Variants in HDAC9 observed in about 807,000 individuals in gnomAD.
The protein encoded by HDAC9 is histone deacetylase 9.
Under a neutral mutation model 139.4 loss-of-function variants are expected in HDAC9, and 41 were observed. The observed-to-expected ratio is 0.29, with a 90% CI of 0.23 to 0.38. The LOEUF is 0.38. Ranked by LOEUF, HDAC9 falls within the 10% of genes least tolerant of loss-of-function variation. The pLI is 1.00. For missense variants in HDAC9, 1,147 were observed against 1,297.0 expected, an observed-to-expected ratio of 0.88 and a Z score of 1.78; for synonymous variants, 517 against 476.2, an observed-to-expected ratio of 1.09 and a Z score of -1.12.
chr7:18,959,080 A>T lies in HDAC9; in HGVS notation c.3022+4850A>T, dbSNP rs546078503. Among the ~76,000 whole-genome samples, 177 of 152,248 alleles carry T rather than the reference A, an allele frequency of 1.2e-3. 2 individuals are homozygous for T. Among genetic ancestry groups the T allele is most frequent in the Non-Finnish European group, 2.1e-4 (14 of 68,018 alleles). On this transcript the variant is annotated intron_variant, in intron 24 of 25. Transcript: ENST00000686413. ...GAAACCCACCCTAGTGATTTACAGC[A>T]TCCATGCACCGTTGAATTCGTTCAC...
chr7:18,200,669 A>G (rs1387170055), intron 2 of HDAC9, among the ~76,000 whole-genome samples: 3 of 152,218 alleles, frequency 2.0e-5, no homozygotes, highest in Non-Finnish European at 4.4e-5. Flanking sequence ...AACATTATGA[A>G]TGATATTTCT....
chr7:18,782,499 T>A (rs189972901), intron 16 of HDAC9, among the ~76,000 whole-genome samples: 1 of 152,078 alleles, frequency 6.6e-6, no homozygotes, highest in Admixed American at 6.6e-5. Context: ...ATTCCAATGA[T>A]TGAGCTATGC....
In HDAC9 at chr7:18,496,126, G is replaced by A. The variant is rs546252264; in HGVS notation, c.-42+103G>A. 1.6e-5 allele frequency: 23 copies of A among 1,394,184 alleles called. No individual in the cohort carries two copies. The East Asian group carries it at 5.7e-4, about 35-fold the overall frequency. 86.4% of individuals were successfully genotyped at this position (1,394,184 alleles called of 1,614,324 possible). On this transcript the variant is annotated intron_variant, in intron 1 of 25. Transcript: ENST00000686413. ...GTTGATCCTCTGCTGCTTCTCCTCA[G>A]GGAGGAGGGAGAACCAGCGAGGGTA...
At chr7:18,315,237 C>T (rs765944612) in intron 1 of HDAC9, among the ~76,000 whole-genome samples, 17 of 152,058 alleles carry the variant, frequency 1.1e-4, no homozygotes, top group Non-Finnish European at 2.1e-4. Flanking sequence ...ATTTATTGAG[C>T]ACTTAGTAGG....
intron 1 of HDAC9, among the ~76,000 whole-genome samples, chr7:18,116,087 T>C (rs761277668): frequency 6.6e-6 from 1 of 152,252 alleles, no homozygotes; most frequent in East Asian, 1.9e-4. Flanking sequence ...GGTTTCATGC[T>C]GAGATAATTT....
chr7:18,847,366 T>A (rs924528130), intron 21 of HDAC9, among the ~76,000 whole-genome samples: 2 of 152,196 alleles, frequency 1.3e-5, no homozygotes, highest in Non-Finnish European at 2.9e-5. Flanking sequence ...TTTCTTTTTT[T>A]TAGAGAGAAC....
rs376824897 is a variant in HDAC9, at chr7:18,762,225, G to A, written c.2112G>A (p.Leu704=). 160 of 1,613,528 alleles carry A rather than the reference G, an allele frequency of 9.9e-5. No homozygotes were observed. Among genetic ancestry groups the A allele is most frequent in the East Asian group, 1.6e-4 (7 of 44,874 alleles). ...TTCATTCTGAACATCACTCACTGTT[G>A]TATGGCACCAACCCCCTGGACGGAC... The part of the protein sequence containing the change: ...QLVHSEHHSL[L]YGTNPLDGQK... Residue 704 remains leucine, a synonymous_variant, in exon 15 of 26, where the codon TTG becomes TTA. Coordinates refer to ENST00000686413, the MANE Select transcript of HDAC9 (RefSeq NM_178425.4).
At chr7:18,937,623 G>A (rs1241629767) in intron 23 of HDAC9, among the ~76,000 whole-genome samples, 1 of 152,104 alleles carries the variant, frequency 6.6e-6, no homozygotes, top group Non-Finnish European at 1.5e-5. Context: ...ATAGTCACCT[G>A]TATTCTGAAA....
chr7:18,165,292 G>C (rs1385538578), intron 2 of HDAC9, among the ~76,000 whole-genome samples: 2 of 152,152 alleles, frequency 1.3e-5, no homozygotes, highest in African/African-American at 4.8e-5. Flanking sequence ...AAGGATACTG[G>C]ATTGTAGAAT....
At chr7:18,242,479 C>T (rs965967393) in intron 2 of HDAC9, among the ~76,000 whole-genome samples, 9 of 152,136 alleles carry the variant, frequency 5.9e-5, no homozygotes, top group African/African-American at 2.2e-4. Context: ...GATAATGTAA[C>T]ATCATCCATC....
chr7:18,148,995 G>C (rs1202631319), intron 1 of HDAC9, among the ~76,000 whole-genome samples: 1 of 152,148 alleles, frequency 6.6e-6, no homozygotes, highest in Non-Finnish European at 1.5e-5. Context: ...TTGTCCACTT[G>C]ACAGGATAGT....
chr7:18,283,446 G>C (rs192582610), intron 2 of HDAC9, among the ~76,000 whole-genome samples: 4 of 152,276 alleles, frequency 2.6e-5, no homozygotes, highest in Admixed American at 2.0e-4. Context: ...ATATCAAAGA[G>C]ACTGAGTAAA....
intron 12 of HDAC9, among the ~76,000 whole-genome samples, chr7:18,718,677 G>A (rs935814569): frequency 1.3e-5 from 2 of 152,042 alleles, no homozygotes; most frequent in Admixed American, 1.3e-4. Flanking sequence ...TTATCAATTG[G>A]TGGACATTTG....
chr7:18,183,902 A>G (rs908082616), intron 2 of HDAC9, among the ~76,000 whole-genome samples: 1 of 152,178 alleles, frequency 6.6e-6, no homozygotes, highest in Non-Finnish European at 1.5e-5. Flanking sequence ...AACTTTTTTC[A>G]TTCTACCATT....
intron 2 of HDAC9, among the ~76,000 whole-genome samples, chr7:18,520,697 T>G (rs186643322): frequency 6.6e-6 from 1 of 152,288 alleles, no homozygotes; most frequent in African/African-American, 2.4e-5. Context: ...ACAGTCCTAC[T>G]ACCGTAAATG....
chr7:18,303,761 A>G (rs1032317974), intron 1 of HDAC9, among the ~76,000 whole-genome samples: 1 of 152,148 alleles, frequency 6.6e-6, no homozygotes, highest in Non-Finnish European at 1.5e-5. Flanking sequence ...TGATTTGGCA[A>G]TTTGTGTCAC....
At chr7:18,817,191 C>G (rs532722648) in intron 17 of HDAC9, among the ~76,000 whole-genome samples, 3 of 152,196 alleles carry the variant, frequency 2.0e-5, no homozygotes, top group Admixed American at 2.0e-4. Context: ...CCCGCCACCA[C>G]GCCTGCCTGA....
intron 2 of HDAC9, among the ~76,000 whole-genome samples, chr7:18,164,312 A>T (rs969710382): frequency 1.8e-4 from 27 of 152,124 alleles, no homozygotes; most frequent in Non-Finnish European, 2.1e-4. Context: ...ATAAAAAAAA[A>T]TTTTCTCCTG....
intron 1 of HDAC9, among the ~76,000 whole-genome samples, chr7:18,314,791 T>C (rs768683614): frequency 1.1e-4 from 16 of 152,238 alleles, no homozygotes; most frequent in Non-Finnish European, 2.1e-4. Context: ...TTTAGTAATA[T>C]TTAAGCTACA....
Sources: allele counts gnomAD v4.1 joint callset (sites outside exome capture counted in the v4.1 genomes callset), GRCh38; gene constraint gnomAD v4.1.1; transcripts MANE v1.5; gene names NCBI Gene and HGNC (gene_info 2026-07-23, HGNC 2026-07-21).